EPHA10: variants seen among roughly 807,000 people sequenced by gnomAD.
EPHA10 encodes EPH receptor A10, also known as ephrin type-A receptor 10.
A neutral mutation model predicts 109.7 loss-of-function variants in EPHA10; 120 were observed. The observed-to-expected ratio is 1.09, with a 90% CI of 0.94 to 1.27. The LOEUF is 1.27. Among genes scored for constraint, EPHA10 ranks in the 50% most tolerant of loss-of-function variants. The pLI is 0.00. For missense variants in EPHA10, 1,396 were observed against 1,411.1 expected (o/e 0.99, Z 0.17); for synonymous variants, 640 against 618.9 (o/e 1.03, Z -0.51).
chr1:37,738,855 C>T (rs1465105498), intron 5 of EPHA10, among the ~76,000 whole-genome samples: 1 of 149,774 alleles, frequency 6.7e-6, no homozygotes, highest in Non-Finnish European at 1.5e-5. Flanking sequence ...TTTGCAGGGA[C>T]ATGGATGAAG....
At chr1:37,745,245 C>T (rs979481931) in intron 5 of EPHA10, among the ~76,000 whole-genome samples, 4 of 152,078 alleles carry the variant, frequency 2.6e-5, no homozygotes, top group Non-Finnish European at 5.9e-5. Context: ...TATAATATAA[C>T]TTAATGACAA....
intron 5 of EPHA10, among the ~76,000 whole-genome samples, chr1:37,745,415 C>G (rs190334496): frequency 5.3e-5 from 8 of 152,164 alleles, no homozygotes; most frequent in Admixed American, 3.9e-4. Flanking sequence ...AAACTTGGAC[C>G]CTTGTACTTT....
intron 5 of EPHA10, among the ~76,000 whole-genome samples, chr1:37,738,909 C>G (rs1646110315): frequency 6.6e-6 from 1 of 152,116 alleles, no homozygotes; most frequent in South Asian, 2.1e-4. Context: ...GGACAGAAAA[C>G]CAAACACCGC....
chr1:37,759,141 G>A (rs558972141), intron 3 of EPHA10, among the ~76,000 whole-genome samples: 1 of 152,084 alleles, frequency 6.6e-6, no homozygotes, highest in Non-Finnish European at 1.5e-5. Flanking sequence ...ATTGCAGCTT[G>A]AGTGATATTT....
At chr1:37,714,861 C>T (rs536505500), downstream of EPHA10, 1 of 152,396 alleles carries the variant, frequency 6.6e-6, no homozygotes, top group East Asian at 1.9e-4. Flanking sequence ...TCTTGGCTTC[C>T]AGCCTCCAGA....
intron 5 of EPHA10, among the ~76,000 whole-genome samples, chr1:37,743,010 T>A (rs996544971): frequency 3.3e-5 from 5 of 151,372 alleles, no homozygotes; most frequent in Admixed American, 6.6e-5. Flanking sequence ...AATAATAATA[T>A]AATAATAATA....
At position 37,718,351 on chromosome 1, in the gene EPHA10, C is replaced by A. The variant is rs1645725729; in HGVS notation, c.*21G>T. ...GGACTGGACCCCCACCGGAGTCCTGCCTTGGAAGAATGGGGTCCACTCACA... is the reference window on the plus strand; with the variant it reads ...GGACTGGACCCCCACCGGAGTCCTGACTTGGAAGAATGGGGTCCACTCACA... On this transcript the variant is annotated 3_prime_UTR_variant, in exon 17 of 17. Transcript: ENST00000373048. The A allele has an allele frequency of 2.5e-6, 4 of 1,578,206 alleles. No individual in the cohort carries two copies. In the East Asian group the frequency reaches 6.7e-5, roughly 27 times the overall value.
intron 5 of EPHA10, among the ~76,000 whole-genome samples, chr1:37,737,710 C>A (rs994941957): frequency 6.6e-6 from 1 of 152,186 alleles, no homozygotes; most frequent in African/African-American, 2.4e-5. Context: ...GCAATGATTT[C>A]TTGGATATGA....
At chr1:37,762,919 G>T in intron 1 of EPHA10, 70 bp from the exon 2 acceptor site, 3 of 1,408,488 alleles carry the variant, frequency 2.1e-6, no homozygotes, top group Non-Finnish European at 2.9e-6. Context: ...GGAATCCTTT[G>T]GTGAAGTCCC....
At chr1:37,762,209 G>T (rs567242057) in intron 2 of EPHA10, 126 bp from the exon 3 acceptor site, 136 of 883,064 alleles carry the variant, frequency 1.5e-4, no homozygotes, top group Non-Finnish European at 2.2e-4. Context: ...AAGATGCAGC[G>T]CTGGGAGAAA....
rs1646456121 is a variant in EPHA10, at chr1:37,764,147, G to A, written c.106+814C>T. 6.6e-6 allele frequency among the ~76,000 whole-genome samples: 1 copy of A among 152,190 alleles called. No individual in the cohort carries two copies. Among genetic ancestry groups the A allele is most frequent in the South Asian group, 2.1e-4 (1 of 4,826 alleles). ...CTTAAACCAGGGGGTGGGCCACCAAGGTGAGGGCCTCTCCAGAGGCGTCAG... is the reference window on the plus strand; with the variant it reads ...CTTAAACCAGGGGGTGGGCCACCAAAGTGAGGGCCTCTCCAGAGGCGTCAG... On this transcript the variant is annotated intron_variant, in intron 1 of 16. Transcript: ENST00000373048. This position sits in a 1 kb window ranked among gnomAD's most constrained non-coding sequence, Gnocchi z 5.8.
intron 5 of EPHA10, among the ~76,000 whole-genome samples, chr1:37,744,396 T>G (rs558875048): frequency 6.6e-6 from 1 of 151,626 alleles, no homozygotes; most frequent in Non-Finnish European, 1.5e-5. Flanking sequence ...AGTGTGTGCC[T>G]GTAATCCCAG....
chr1:37,730,022 T>C (rs1346273874), intron 7 of EPHA10, among the ~76,000 whole-genome samples: 1 of 152,034 alleles, frequency 6.6e-6, no homozygotes, highest in African/African-American at 2.4e-5. Flanking sequence ...ATGGAGACCA[T>C]CAGCCCTTCT....
rs769139275 is a variant in EPHA10 at position 37,723,293 on chromosome 1, C to T, written c.1834+18G>A. 1.4e-5 allele frequency: 22 copies of T among 1,613,330 alleles called. No individual in the cohort carries two copies. The highest frequency in any genetic ancestry group is 1.9e-5 in the Non-Finnish European group (22 of 1,179,656). On this transcript the variant is annotated intron_variant, in intron 9 of 16. Transcript: ENST00000373048. ...AGGGTGGAGCCCGCCCCTCCCCAGC[C>T]AGGCCCAGCCAACTCACAGTGGAAA...
chr1:37,749,993 T>C (rs1177364361), intron 5 of EPHA10, among the ~76,000 whole-genome samples: 2 of 152,196 alleles, frequency 1.3e-5, no homozygotes, highest in African/African-American at 4.8e-5. Context: ...ATGCCATCCA[T>C]TGTTGACCAA....
chr1:37,763,870 C>T (rs1203024418), intron 1 of EPHA10, among the ~76,000 whole-genome samples: 1 of 152,294 alleles, frequency 6.6e-6, no homozygotes, highest in Admixed American at 6.5e-5. Flanking sequence ...CTCTCTTCTC[C>T]TCAGCCAGCC....
rs1211864464 is a variant in EPHA10 at position 37,723,381 on chromosome 1, G to C, written c.1773-9C>G. 12 of 1,613,864 alleles carry C rather than the reference G, an allele frequency of 7.4e-6. No homozygotes were observed. The African/African-American group carries it at 1.6e-4, about 22-fold the overall frequency. ...TGCCATAGCTGCAGGGCCTGGCAGGGAGTTCAGGGTCATTCTTTCAGCCAG... is the reference window on the plus strand; with the variant it reads ...TGCCATAGCTGCAGGGCCTGGCAGGCAGTTCAGGGTCATTCTTTCAGCCAG... On this transcript the variant is annotated splice_polypyrimidine_tract_variant and intron_variant, in intron 8 of 16. Coordinates refer to ENST00000373048, the MANE Select transcript of EPHA10 (RefSeq NM_001099439.2).
Position 37,762,815 on chromosome 1 carries a change from C to G in EPHA10, c.141G>C (p.Glu47Asp), listed in dbSNP as rs1453346098. 1.2e-5 allele frequency: 18 copies of G among 1,553,904 alleles called. No individual in the cohort carries two copies. In the East Asian group the frequency reaches 4.4e-4, roughly 38 times the overall value. ...ILLDSKASQA[E>D]LGWTALPSNG... is the part of the protein sequence containing the mutation. ...TACTTGGCAGTGCAGTCCAGCCCAGCTCGGCCTGGGAGGCTTTGGAATCCA... is the reference window on the plus strand; with the variant it reads ...TACTTGGCAGTGCAGTCCAGCCCAGGTCGGCCTGGGAGGCTTTGGAATCCA... Residue 47 changes from glutamate to aspartate, a missense_variant, in exon 2 of 17, where the codon GAG becomes GAC. Coordinates refer to ENST00000373048, the MANE Select transcript of EPHA10 (RefSeq NM_001099439.2).
intron 5 of EPHA10, among the ~76,000 whole-genome samples, chr1:37,749,089 AT>A: frequency 6.6e-6 from 1 of 151,006 alleles, no homozygotes; most frequent in African/African-American, 2.4e-5. Flanking sequence ...CGCCTGGCTA[AT>A]TTTTTTTATT....
Sources: allele counts gnomAD v4.1 joint callset (sites outside exome capture counted in the v4.1 genomes callset), GRCh38; gene constraint gnomAD v4.1.1; non-coding constraint Gnocchi (gnomAD v3.1); transcripts MANE v1.5; gene names NCBI Gene and HGNC (gene_info 2026-07-23, HGNC 2026-07-21).